Variants in TAS2R1 observed in about 807,000 individuals in gnomAD.
TAS2R1 encodes taste receptor type 2 member 1.
For synonymous variants in TAS2R1, 141 were observed against 134.2 expected, an observed-to-expected ratio of 1.05 and a Z score of -0.35; for missense variants, 370 against 353.4, an observed-to-expected ratio of 1.05 and a Z score of -0.38.
rs758856692 is a variant in TAS2R1 at position 9,710,608 on chromosome 5, T to C, written c.-242+1564A>G. Among the ~76,000 whole-genome samples, 103 of 152,086 alleles carry C rather than the reference T, an allele frequency of 6.8e-4. 1 individual carries two copies. Among genetic ancestry groups the C allele is most frequent in the Middle Eastern group, 6.8e-3 (2 of 294 alleles). On this transcript the variant is annotated intron_variant, in intron 1 of 2. Transcript: ENST00000506620. ...AGGTAACCTATAGAATGGGAGAAAA[T>C]ATTTGCAAATCATACATCTGATAAG...
At chr5:9,879,759 T>G in the TAS2R1 span, among the ~76,000 whole-genome samples, 1 of 152,126 alleles carries the variant, frequency 6.6e-6, no homozygotes, top group African/African-American at 2.4e-5. Context: ...AACACAAATT[T>G]TGTGAGAGGT....
the TAS2R1 span, among the ~76,000 whole-genome samples, chr5:9,783,804 A>G: frequency 6.6e-6 from 1 of 152,246 alleles, no homozygotes; most frequent in Non-Finnish European, 1.5e-5. Context: ...ACATGCTCAT[A>G]TCTTGGAAGA....
chr5:9,827,129 C>T, the TAS2R1 span, among the ~76,000 whole-genome samples: 3 of 152,254 alleles, frequency 2.0e-5, no homozygotes, highest in African/African-American at 7.2e-5. Flanking sequence ...CAACAGGCAC[C>T]AGCTTGAGTT....
the TAS2R1 span, among the ~76,000 whole-genome samples, chr5:9,762,396 T>A: frequency 6.6e-6 from 1 of 152,160 alleles, no homozygotes; most frequent in East Asian, 1.9e-4. Context: ...TTACTAAACG[T>A]GGTTCATATC....
the TAS2R1 span, among the ~76,000 whole-genome samples, chr5:9,825,789 G>A: frequency 6.6e-6 from 1 of 152,146 alleles, no homozygotes; most frequent in South Asian, 2.1e-4. Flanking sequence ...ATTGTTATAA[G>A]TTTAGCCAAT....
the TAS2R1 span, among the ~76,000 whole-genome samples, chr5:9,746,813 G>A: frequency 2.0e-5 from 3 of 152,214 alleles, no homozygotes; most frequent in Non-Finnish European, 4.4e-5. Context: ...AATACCTAAT[G>A]TATGTGGGGC....
At chr5:9,769,714 T>C in the TAS2R1 span, among the ~76,000 whole-genome samples, 2 of 152,234 alleles carry the variant, frequency 1.3e-5, no homozygotes, top group East Asian at 3.8e-4. Context: ...ATGTCTTCTT[T>C]TGAGAAATAT....
upstream of TAS2R1, among the ~76,000 whole-genome samples, chr5:9,633,468 G>T (rs186360648): frequency 1.9e-3 from 291 of 151,596 alleles, 2 homozygotes; most frequent in African/African-American, 6.6e-3. Flanking sequence ...ATACCCGGGA[G>T]TGGGATTGCT....
chr5:9,781,494 G>A, the TAS2R1 span, among the ~76,000 whole-genome samples: 1 of 152,140 alleles, frequency 6.6e-6, no homozygotes, highest in Non-Finnish European at 1.5e-5. Context: ...CTGTAACTGA[G>A]ACAAGCTATT....
the TAS2R1 span, among the ~76,000 whole-genome samples, chr5:9,873,441 C>T: frequency 4.4e-4 from 66 of 149,136 alleles, no homozygotes; most frequent in African/African-American, 1.5e-3. Flanking sequence ...TCTCGTATTG[C>T]ACAGAATATT....
the TAS2R1 span, among the ~76,000 whole-genome samples, chr5:9,853,580 C>T: frequency 6.6e-6 from 1 of 152,070 alleles, no homozygotes; most frequent in South Asian, 2.1e-4. Context: ...GTGCCTCTTC[C>T]CTGATTCAGC....
chr5:9,730,505 G>A, the TAS2R1 span, among the ~76,000 whole-genome samples: 1 of 152,304 alleles, frequency 6.6e-6, no homozygotes, highest in East Asian at 1.9e-4. Flanking sequence ...CACCCGTGCA[G>A]GTACCATCCA....
At chr5:9,633,672 TTTTAA>T (rs1176607276), upstream of TAS2R1, among the ~76,000 whole-genome samples, 5 of 152,048 alleles carry the variant, frequency 3.3e-5, no homozygotes, top group Non-Finnish European at 5.9e-5. Context: ...CTCATAGTGG[TTTTAA>T]TTTGTGTTTC....
chr5:9,734,119 G>A, the TAS2R1 span, among the ~76,000 whole-genome samples: 3 of 152,134 alleles, frequency 2.0e-5, no homozygotes, highest in Non-Finnish European at 4.4e-5. Flanking sequence ...ACATGTGAGA[G>A]AGCCTGTTTG....
intron 1 of TAS2R1, among the ~76,000 whole-genome samples, chr5:9,683,881 G>A (rs1350728916): frequency 6.6e-6 from 1 of 152,150 alleles, no homozygotes; most frequent in African/African-American, 2.4e-5. Context: ...TCAGCTCAAG[G>A]TTTTGATTCT....
the TAS2R1 span, among the ~76,000 whole-genome samples, chr5:9,744,128 A>G: frequency 6.6e-6 from 1 of 152,252 alleles, no homozygotes; most frequent in East Asian, 1.9e-4. Context: ...TCTGCCCAAG[A>G]CCAGCTCAAG....
chr5:9,877,191 C>A, the TAS2R1 span, among the ~76,000 whole-genome samples: 2 of 152,198 alleles, frequency 1.3e-5, no homozygotes, highest in African/African-American at 4.8e-5. Flanking sequence ...TCTCTTGAAA[C>A]CCACTCTTCA....
the TAS2R1 span, among the ~76,000 whole-genome samples, chr5:9,744,101 G>C: frequency 1.3e-5 from 2 of 152,136 alleles, no homozygotes; most frequent in African/African-American, 4.8e-5. Context: ...TGACTGGGGT[G>C]ATCTCTTCCT....
the TAS2R1 span, among the ~76,000 whole-genome samples, chr5:9,789,679 T>A: frequency 6.6e-6 from 1 of 152,252 alleles, no homozygotes; most frequent in East Asian, 1.9e-4. Context: ...TCCTGCTGTG[T>A]GGATCTGGCA....
Sources: gnomAD v4.1 joint callset for allele counts (sites outside exome capture counted in the v4.1 genomes callset) on GRCh38, gnomAD v4.1.1 for gene constraint, MANE v1.5 for transcripts, NCBI Gene and HGNC (gene_info 2026-07-23, HGNC 2026-07-21) for gene names.